Variants in DCDC1 observed in about 807,000 individuals in gnomAD.
DCDC1 encodes the protein doublecortin domain containing 1, also known as doublecortin domain-containing protein 1.
DCDC1 carries 200 observed loss-of-function variants against 178.3 expected under a neutral mutation model. The observed-to-expected ratio is 1.12, with a 90% CI of 1.00 to 1.26. The LOEUF (loss-of-function observed/expected upper bound fraction) is 1.26, where lower values mean the gene tolerates loss of function less well. DCDC1 is among the 50% of genes most tolerant of loss of function. DCDC1 has a pLI of 0.00. For missense variants in DCDC1, 1,983 were observed against 1,749.2 expected (o/e 1.13, Z -2.38); for synonymous variants, 690 against 604.8 (o/e 1.14, Z -2.07).
intron 2 of DCDC1, among the ~76,000 whole-genome samples, chr11:31,332,864 T>A (rs1471602690): frequency 6.6e-6 from 1 of 152,218 alleles, no homozygotes; most frequent in Non-Finnish European, 1.5e-5. Context: ...TCTGCTGATC[T>A]GGGGTGGAGA....
intron 20 of DCDC1, among the ~76,000 whole-genome samples, chr11:31,027,860 T>C (rs969998001): frequency 1.3e-5 from 2 of 151,860 alleles, no homozygotes. Flanking sequence ...CTTAAAAGCA[T>C]TTGAACTCAA....
intron 36 of DCDC1, among the ~76,000 whole-genome samples, chr11:30,885,445 T>C (rs951763495): frequency 3.9e-5 from 6 of 151,950 alleles, no homozygotes; most frequent in African/African-American, 1.4e-4. Flanking sequence ...ACAACAAATC[T>C]AATAAAGTTA....
chr11:31,136,268 G>T (rs1283721974), intron 10 of DCDC1, among the ~76,000 whole-genome samples: 2 of 152,032 alleles, frequency 1.3e-5, no homozygotes, highest in Non-Finnish European at 2.9e-5. Context: ...ACCTAGTCTT[G>T]TAACTTGTTA....
intron 20 of DCDC1, among the ~76,000 whole-genome samples, chr11:30,968,736 T>TATATATATATATATATATATATATATAG (rs1949611544): frequency 7.4e-6 from 1 of 134,910 alleles, no homozygotes; most frequent in Non-Finnish European, 1.6e-5. Context: ...TATATATATA[T>TATATATATATATATATATATATATATAG]GGTTTGATAT....
chr11:31,102,729 T>C (rs1299140241), intron 14 of DCDC1, among the ~76,000 whole-genome samples: 1 of 152,224 alleles, frequency 6.6e-6, no homozygotes, highest in Non-Finnish European at 1.5e-5. Flanking sequence ...CCTATTCCTA[T>C]TTAAATTTAA....
intron 1 of DCDC1, among the ~76,000 whole-genome samples, chr11:31,341,812 T>TACACACACACACACACAC (rs34730979): frequency 1.9e-4 from 28 of 144,576 alleles, no homozygotes; most frequent in African/African-American, 7.0e-4. Context: ...TGCATGACTA[T>TACACACACACACACACAC]ACACACACAC....
chr11:31,012,433 T>G (rs1407814570), intron 20 of DCDC1, among the ~76,000 whole-genome samples: 1 of 151,822 alleles, frequency 6.6e-6, no homozygotes, highest in African/African-American at 2.4e-5. Context: ...AGACCTCATC[T>G]CTACAAAATA....
At chr11:31,241,798 T>C (rs995949445) in intron 8 of DCDC1, 182 bp from the exon 9 acceptor site, 4 of 365,944 alleles carry the variant, frequency 1.1e-5, no homozygotes, top group African/African-American at 8.4e-5. Context: ...TGTATTTATA[T>C]TGAGACACCC....
chr11:31,181,330 A>C (rs1968772268), intron 9 of DCDC1, among the ~76,000 whole-genome samples: 1 of 152,218 alleles, frequency 6.6e-6, no homozygotes, highest in Non-Finnish European at 1.5e-5. Flanking sequence ...CTCTGAAGAG[A>C]GCAGCGGACT....
chr11:31,218,129 G>A (rs747703186), intron 9 of DCDC1, among the ~76,000 whole-genome samples: 97 of 151,088 alleles, frequency 6.4e-4, no homozygotes, highest in African/African-American at 2.1e-3. Flanking sequence ...AAAAAAAGTC[G>A]TAATATAAAT....
chr11:31,100,708 A>G (rs1320799523), intron 15 of DCDC1, among the ~76,000 whole-genome samples: 4 of 152,216 alleles, frequency 2.6e-5, no homozygotes, highest in Admixed American at 1.3e-4. Flanking sequence ...AAAATTGGAA[A>G]GGTAAGTTGA....
At chr11:30,869,703 A>T (rs1013957925) in intron 38 of DCDC1, among the ~76,000 whole-genome samples, 1 of 152,170 alleles carries the variant, frequency 6.6e-6, no homozygotes, top group Non-Finnish European at 1.5e-5. Flanking sequence ...AGTAAGAGAG[A>T]ATATACAATC....
chr11:31,175,611 C>T (rs1017878035), intron 9 of DCDC1, among the ~76,000 whole-genome samples: 2 of 152,222 alleles, frequency 1.3e-5, no homozygotes, highest in Non-Finnish European at 2.9e-5. Flanking sequence ...CACCTGTGTC[C>T]AGCCAATGGC....
chr11:31,305,219 A>C (rs1325473448), intron 6 of DCDC1, among the ~76,000 whole-genome samples: 2 of 152,200 alleles, frequency 1.3e-5, no homozygotes, highest in Non-Finnish European at 2.9e-5. Flanking sequence ...AAAGACCAAG[A>C]GTGTAAATGA....
chr11:30,956,218 T>C (rs1414416967), intron 20 of DCDC1, among the ~76,000 whole-genome samples: 10 of 152,174 alleles, frequency 6.6e-5, no homozygotes, highest in Non-Finnish European at 1.2e-4. Flanking sequence ...GTTTTTTTTA[T>C]TGAGATGGGG....
intron 1 of DCDC1, among the ~76,000 whole-genome samples, chr11:31,363,464 C>T (rs1415243592): frequency 6.6e-6 from 1 of 152,008 alleles, no homozygotes; most frequent in Non-Finnish European, 1.5e-5. Flanking sequence ...ATTTAATTTC[C>T]TATTACAAAA....
chr11:30,936,341 T>G (rs1473471357), intron 21 of DCDC1, among the ~76,000 whole-genome samples: 1 of 152,172 alleles, frequency 6.6e-6, no homozygotes, highest in African/African-American at 2.4e-5. Flanking sequence ...TGGGAGACAT[T>G]TGGTTCAAAG....
intron 20 of DCDC1, among the ~76,000 whole-genome samples, chr11:31,042,647 T>C (rs1429540889): frequency 6.6e-6 from 1 of 152,136 alleles, no homozygotes; most frequent in East Asian, 1.9e-4. Flanking sequence ...AGTTGAAATA[T>C]CTGTATACAA....
At chr11:31,266,187 C>T (rs1156649893) in intron 7 of DCDC1, among the ~76,000 whole-genome samples, 1 of 152,108 alleles carries the variant, frequency 6.6e-6, no homozygotes, top group Non-Finnish European at 1.5e-5. Flanking sequence ...CTTAATAAAT[C>T]ACATTTCAGG....
Sources: gnomAD v4.1 joint callset for allele counts (sites outside exome capture counted in the v4.1 genomes callset) on GRCh38, gnomAD v4.1.1 for gene constraint, MANE v1.5 for transcripts, NCBI Gene and HGNC (gene_info 2026-07-23, HGNC 2026-07-21) for gene names.